Variants in NHERF1 observed in about 807,000 individuals in gnomAD.
The protein encoded by NHERF1 is Na(+)/H(+) exchange regulatory cofactor NHE-RF1.
the NHERF1 span, among the ~76,000 whole-genome samples, chr17:74,767,710 T>C: frequency 1.3e-5 from 2 of 152,146 alleles, no homozygotes; most frequent in Admixed American, 6.5e-5. Context: ...GGTTTCAGGA[T>C]TCCTGGGGTC....
At chr17:74,748,752 C>T in the NHERF1 span, 1 of 1,168,028 alleles carries the variant, frequency 8.6e-7, no homozygotes, top group East Asian at 2.6e-5. The surrounding 1 kb of genome is among the most constrained non-coding windows in gnomAD (Gnocchi z 4.3). Context: ...TTCTCTGCTG[C>T]GCTCCCGGTT....
chr17:74,767,272 C>T, the NHERF1 span, among the ~76,000 whole-genome samples: 29 of 152,200 alleles, frequency 1.9e-4, no homozygotes, highest in Non-Finnish European at 3.8e-4. Flanking sequence ...TTCTTCCCCC[C>T]AAGAACAGAG....
the NHERF1 span, among the ~76,000 whole-genome samples, chr17:74,764,731 G>A: frequency 6.6e-6 from 1 of 152,210 alleles, no homozygotes; most frequent in Non-Finnish European, 1.5e-5. This position sits in a 1 kb window ranked among gnomAD's most constrained non-coding sequence, Gnocchi z 4.9. Flanking sequence ...AGGACCTGAA[G>A]AGGGAGAGGC....
chr17:74,750,842 C>T, the NHERF1 span, among the ~76,000 whole-genome samples: 2 of 136,490 alleles, frequency 1.5e-5, no homozygotes, highest in Non-Finnish European at 3.1e-5. Flanking sequence ...TGCTGGGTGC[C>T]AGAGGGCCTG....
the NHERF1 span, among the ~76,000 whole-genome samples, chr17:74,756,226 G>T: frequency 5.5e-5 from 8 of 146,378 alleles, no homozygotes; most frequent in Admixed American, 4.1e-4. Flanking sequence ...TGGGATTACA[G>T]GCATGAGCCA....
At chr17:74,759,522 T>G in the NHERF1 span, among the ~76,000 whole-genome samples, 1 of 152,178 alleles carries the variant, frequency 6.6e-6, no homozygotes, top group South Asian at 2.1e-4. Flanking sequence ...CAGAGCCACC[T>G]GCCCCCAGTC....
the NHERF1 span, among the ~76,000 whole-genome samples, chr17:74,755,495 C>T: frequency 1.3e-5 from 2 of 152,166 alleles, no homozygotes; most frequent in East Asian, 1.9e-4. Flanking sequence ...GGTCCCTAGG[C>T]CCTAGAAAAG....
the NHERF1 span, among the ~76,000 whole-genome samples, chr17:74,753,052 C>G: frequency 6.6e-6 from 1 of 152,240 alleles, no homozygotes; most frequent in African/African-American, 2.4e-5. Context: ...TGCCTGCTAG[C>G]AGCTTCTATT....
the NHERF1 span, among the ~76,000 whole-genome samples, chr17:74,767,461 AAGCTGACG>A: frequency 6.6e-6 from 1 of 152,176 alleles, no homozygotes; most frequent in African/African-American, 2.4e-5. Context: ...GCTGGGTGCC[AAGCTGACG>A]CCCCAGCCAA....
chr17:74,753,878 C>T, the NHERF1 span, among the ~76,000 whole-genome samples: 1 of 151,974 alleles, frequency 6.6e-6, no homozygotes, highest in Admixed American at 6.6e-5. Context: ...AGGCCAGGCA[C>T]GGTGGCTCAC....
At chr17:74,755,842 G>T in the NHERF1 span, among the ~76,000 whole-genome samples, 1 of 152,054 alleles carries the variant, frequency 6.6e-6, no homozygotes, top group African/African-American at 2.4e-5. Context: ...TGAAGCCATT[G>T]TACAAATAAA....
chr17:74,763,660 G>A, the NHERF1 span: 1 of 834,242 alleles, frequency 1.2e-6, no homozygotes, highest in Non-Finnish European at 1.9e-6. Flanking sequence ...TCCTTCATGG[G>A]AGGCCCAGAG....
chr17:74,760,325 A>G, the NHERF1 span, among the ~76,000 whole-genome samples: 1 of 152,148 alleles, frequency 6.6e-6, no homozygotes, highest in Non-Finnish European at 1.5e-5. This position sits in a 1 kb window ranked among gnomAD's most constrained non-coding sequence, Gnocchi z 4.5. Flanking sequence ...AGCTTCATTC[A>G]GGGTTCCTGA....
At chr17:74,766,872 A>G in the NHERF1 span, 4 of 1,505,888 alleles carry the variant, frequency 2.7e-6, no homozygotes, top group African/African-American at 1.4e-5. Flanking sequence ...CCCAACTCCT[A>G]CCTCCTCTCC....
chr17:74,762,215 C>G, the NHERF1 span: 12 of 1,608,292 alleles, frequency 7.5e-6, no homozygotes. The surrounding 1 kb of genome is among the most constrained non-coding windows in gnomAD (Gnocchi z 4.2). Flanking sequence ...GCCCCCACCC[C>G]CTGCAGATCA....
chr17:74,757,276 T>C, the NHERF1 span, among the ~76,000 whole-genome samples: 1 of 152,092 alleles, frequency 6.6e-6, no homozygotes. Flanking sequence ...CCTACCAGAC[T>C]CCAGGGAAAG....
At chr17:74,753,628 C>T in the NHERF1 span, among the ~76,000 whole-genome samples, 1 of 152,058 alleles carries the variant, frequency 6.6e-6, no homozygotes, top group Admixed American at 6.5e-5. Context: ...GTGACTTGTG[C>T]CTGTAATCCC....
chr17:74,768,211 C>G, the NHERF1 span: 4 of 1,613,268 alleles, frequency 2.5e-6, no homozygotes, highest in African/African-American at 1.3e-5. Context: ...CTGGTGAGAT[C>G]CGCCTCCAGT....
the NHERF1 span, chr17:74,763,463 G>A: frequency 2.5e-6 from 4 of 1,612,930 alleles, no homozygotes; most frequent in East Asian, 2.2e-5. Context: ...GGTGGACAGG[G>A]AAACTGACGA....
Sources: allele counts gnomAD v4.1 joint callset (sites outside exome capture counted in the v4.1 genomes callset), GRCh38; gene constraint gnomAD v4.1.1; non-coding constraint Gnocchi (gnomAD v3.1); transcripts MANE v1.5; gene names NCBI Gene and HGNC (gene_info 2026-07-23, HGNC 2026-07-21).